Variants in NLGN1 observed in about 807,000 individuals in gnomAD.
NLGN1 encodes neuroligin-1.
In NLGN1, 12 loss-of-function variants were observed where a neutral mutation model predicts 65.5. That is an observed-to-expected ratio of 0.18 (90% confidence interval 0.12 to 0.30). The LOEUF is 0.30. Ranked by LOEUF, NLGN1 falls within the 10% of genes least tolerant of loss-of-function variation. The pLI, the probability that NLGN1 is intolerant of heterozygous loss-of-function variation, is 1.00. For synonymous variants in NLGN1, 350 were observed against 359.5 expected (o/e 0.97, Z 0.30); for missense variants, 750 against 1,007.1 (o/e 0.74, Z 3.46).
At chr3:173,424,308 T>C (rs189620814) in intron 1 of NLGN1, among the ~76,000 whole-genome samples, 78 of 152,300 alleles carry the variant, frequency 5.1e-4, no homozygotes, top group Admixed American at 2.2e-3. Flanking sequence ...ATTTTCCCCA[T>C]TGTCTTTGCT....
intron 4 of NLGN1, among the ~76,000 whole-genome samples, chr3:174,008,592 C>T (rs920989611): frequency 6.6e-6 from 1 of 151,812 alleles, no homozygotes; most frequent in African/African-American, 2.4e-5. Context: ...ATAGTAAGCC[C>T]CTTACTGAAA....
chr3:173,977,104 C>T (rs1022420665), intron 4 of NLGN1, among the ~76,000 whole-genome samples: 1 of 145,220 alleles, frequency 6.9e-6, no homozygotes, highest in Non-Finnish European at 1.6e-5. Context: ...CACACACACA[C>T]ACGCACACAC....
At chr3:173,637,278 G>A (rs1248015071) in intron 3 of NLGN1, among the ~76,000 whole-genome samples, 2 of 152,174 alleles carry the variant, frequency 1.3e-5, no homozygotes, top group East Asian at 3.9e-4. Flanking sequence ...GAAATATGTG[G>A]AGTTTAAAAT....
chr3:174,286,448 G>A (rs934127871), exon 7 of NLGN1: 3 of 151,464 alleles, frequency 2.0e-5, no homozygotes, highest in Non-Finnish European at 4.4e-5. Context: ...AAACTAGATG[G>A]TGTGTTTAAA....
chr3:173,573,056 T>G (rs1453489333), intron 2 of NLGN1, among the ~76,000 whole-genome samples: 1 of 152,202 alleles, frequency 6.6e-6, no homozygotes, highest in African/African-American at 2.4e-5. Flanking sequence ...CAACTGTCCA[T>G]TCCATTTGTA....
At chr3:173,814,078 C>A (rs1718529039) in intron 4 of NLGN1, among the ~76,000 whole-genome samples, 1 of 152,260 alleles carries the variant, frequency 6.6e-6, no homozygotes, top group African/African-American at 2.4e-5. Flanking sequence ...GACTTCCCAG[C>A]AGCCCCTGAG....
At chr3:173,424,074 C>G (rs1159620396) in intron 1 of NLGN1, among the ~76,000 whole-genome samples, 2 of 152,174 alleles carry the variant, frequency 1.3e-5, no homozygotes, top group Non-Finnish European at 2.9e-5. Flanking sequence ...TGGAAGCCAC[C>G]AAGCTTGGGG....
intron 4 of NLGN1, among the ~76,000 whole-genome samples, chr3:173,831,691 A>C (rs1722603207): frequency 6.6e-6 from 1 of 152,186 alleles, no homozygotes; most frequent in Non-Finnish European, 1.5e-5. Context: ...AATCACGTGC[A>C]TTTTATGGCT....
At chr3:174,069,414 G>A (rs1049881580) in intron 4 of NLGN1, among the ~76,000 whole-genome samples, 2 of 152,148 alleles carry the variant, frequency 1.3e-5, no homozygotes, top group African/African-American at 2.4e-5. Flanking sequence ...GCCAGATGAA[G>A]GAGACCAATT....
intron 3 of NLGN1, among the ~76,000 whole-genome samples, chr3:173,621,154 A>C (rs952745243): frequency 2.0e-5 from 3 of 152,180 alleles, no homozygotes; most frequent in African/African-American, 7.2e-5. Flanking sequence ...GCAGATTACA[A>C]ATAATCAAAT....
intron 3 of NLGN1, among the ~76,000 whole-genome samples, chr3:173,740,200 T>C (rs1011339011): frequency 2.0e-5 from 3 of 152,078 alleles, no homozygotes; most frequent in Non-Finnish European, 4.4e-5. Context: ...ACAGTACTTA[T>C]CCCTGGAGTC....
chr3:174,157,140 T>C (rs1384812920), intron 4 of NLGN1, among the ~76,000 whole-genome samples: 1 of 151,646 alleles, frequency 6.6e-6, no homozygotes, highest in Non-Finnish European at 1.5e-5. Flanking sequence ...TGTGTGGATG[T>C]GTTGGAGGAA....
At chr3:173,698,493 GC>G (rs1766588000) in intron 3 of NLGN1, among the ~76,000 whole-genome samples, 1 of 152,112 alleles carries the variant, frequency 6.6e-6, no homozygotes, top group South Asian at 2.1e-4. Flanking sequence ...CCCTTTTGAT[GC>G]ATAAGACTTT....
intron 4 of NLGN1, among the ~76,000 whole-genome samples, chr3:173,851,390 T>C (rs1726895549): frequency 6.6e-6 from 1 of 152,220 alleles, no homozygotes; most frequent in East Asian, 1.9e-4. Flanking sequence ...AACTAGGTCA[T>C]ATTGATTTAT....
chr3:174,166,441 G>A lies in NLGN1; in HGVS notation c.647-108874G>A, dbSNP rs78934529. ...TTTTGATTTCTGCTTTAATTTCATCGTTTACCCAAACGGATTAAGTTGTTT... is the reference window on the plus strand; with the variant it reads ...TTTTGATTTCTGCTTTAATTTCATCATTTACCCAAACGGATTAAGTTGTTT... On this transcript the variant is annotated intron_variant, in intron 4 of 6. Coordinates refer to ENST00000457714, the Ensembl canonical transcript of NLGN1. Among the ~76,000 whole-genome samples, 1,517 of 151,758 alleles carry A rather than the reference G, an allele frequency of 1.0e-2. 32 individuals carry two copies. The highest frequency in any genetic ancestry group is 0.047 in the East Asian group (244 of 5,146).
At chr3:173,796,807 T>G (rs1400742120) in intron 3 of NLGN1, among the ~76,000 whole-genome samples, 4 of 152,194 alleles carry the variant, frequency 2.6e-5, no homozygotes, top group African/African-American at 9.6e-5. Flanking sequence ...TGTTAATAAC[T>G]GTTATTTCTA....
At chr3:173,510,096 G>C (rs915455401) in intron 2 of NLGN1, among the ~76,000 whole-genome samples, 19 of 152,160 alleles carry the variant, frequency 1.2e-4, no homozygotes, top group African/African-American at 4.6e-4. Flanking sequence ...TCCACTTGCA[G>C]GATCAAAATG....
intron 4 of NLGN1, among the ~76,000 whole-genome samples, chr3:174,114,725 T>C (rs1398300270): frequency 6.6e-6 from 1 of 152,156 alleles, no homozygotes; most frequent in African/African-American, 2.4e-5. Flanking sequence ...ACATTATCCG[T>C]AAGGTGTTAT....
chr3:174,057,470 A>G (rs927183915), intron 4 of NLGN1, among the ~76,000 whole-genome samples: 25 of 152,112 alleles, frequency 1.6e-4, no homozygotes, highest in African/African-American at 5.8e-4. Context: ...ATATAAAAAC[A>G]AAATCTTCCA....
Sources: allele counts gnomAD v4.1 joint callset (sites outside exome capture counted in the v4.1 genomes callset), GRCh38; gene constraint gnomAD v4.1.1; transcripts MANE v1.5; gene names NCBI Gene and HGNC (gene_info 2026-07-23, HGNC 2026-07-21).